The following SDK1 variants were observed in gnomAD, a reference collection of about 807,000 sequenced individuals.
SDK1 encodes protein sidekick-1.
Under a neutral mutation model 245.5 loss-of-function variants are expected in SDK1, and 157 were observed. The ratio of observed to expected loss-of-function variants is 0.64; its 90% confidence interval spans 0.56 to 0.73. SDK1 has a LOEUF of 0.73. SDK1 is among the 30% of genes least tolerant of loss of function. SDK1 has a pLI of 0.00. For synonymous variants in SDK1, 1,647 were observed against 1,278.5 expected (o/e 1.29, Z -6.15); for missense variants, 3,583 against 3,002.3 (o/e 1.19, Z -4.52).
intron 35 of SDK1, among the ~76,000 whole-genome samples, chr7:4,202,502 G>T (rs1334130592): frequency 2.6e-5 from 4 of 152,182 alleles, no homozygotes; most frequent in African/African-American, 9.7e-5. Context: ...TGAGTTGTTT[G>T]GTCACGTGGG....
chr7:4,170,501 G>C (rs994913281), intron 32 of SDK1, among the ~76,000 whole-genome samples: 3 of 152,088 alleles, frequency 2.0e-5, no homozygotes, highest in Non-Finnish European at 4.4e-5. Flanking sequence ...TGATGTGAGT[G>C]GATGTGCAAG....
intron 5 of SDK1, among the ~76,000 whole-genome samples, chr7:3,840,505 A>G (rs528356604): frequency 7.2e-5 from 11 of 152,312 alleles, no homozygotes; most frequent in African/African-American, 2.6e-4. Context: ...TAGTACTATC[A>G]GCATCATCCT....
intron 4 of SDK1, among the ~76,000 whole-genome samples, chr7:3,792,710 ATCCATCCATCCGTCTG>A (rs1469840687): frequency 1.3e-5 from 2 of 149,866 alleles, no homozygotes; most frequent in Non-Finnish European, 3.0e-5. Flanking sequence ...CCATCCATCC[ATCCATCCATCCGTCTG>A]TCCATCCATC....
intron 41 of SDK1, among the ~76,000 whole-genome samples, 167 bp from the exon 42 acceptor site, chr7:4,237,480 C>T (rs1399472127): frequency 6.6e-6 from 1 of 152,062 alleles, no homozygotes; most frequent in South Asian, 2.1e-4. Flanking sequence ...GCCTCCTGAG[C>T]TTGTCCCATG....
At chr7:3,372,558 G>A (rs1583760175) in intron 1 of SDK1, among the ~76,000 whole-genome samples, 1 of 152,308 alleles carries the variant, frequency 6.6e-6, no homozygotes, top group East Asian at 1.9e-4. Context: ...CAGGAGGGCA[G>A]AGCGGAAGAG....
chr7:4,197,589 C>T (rs1191142987), intron 35 of SDK1, among the ~76,000 whole-genome samples: 1 of 152,234 alleles, frequency 6.6e-6, no homozygotes, highest in African/African-American at 2.4e-5. Context: ...TCGTGTGAGG[C>T]TGTAAAACCC....
chr7:4,204,765 G>GCCCTGGAGCTCCCCAGGGCCCAGCTC (rs1784099645), intron 35 of SDK1, among the ~76,000 whole-genome samples: 2 of 152,224 alleles, frequency 1.3e-5, no homozygotes, highest in East Asian at 3.9e-4. Flanking sequence ...CTGCACAGCT[G>GCCCTGGAGCTCCCCAGGGCCCAGCTC]CCCTGGAGCT....
At chr7:3,702,874 A>T (rs1784779118) in intron 4 of SDK1, among the ~76,000 whole-genome samples, 1 of 152,116 alleles carries the variant, frequency 6.6e-6, no homozygotes, top group African/African-American at 2.4e-5. Context: ...ATGCAGATTG[A>T]AACCAAAATA....
At chr7:3,337,967 G>T (rs2128553279) in intron 1 of SDK1, 1 of 152,970 alleles carries the variant, frequency 6.5e-6, no homozygotes, top group South Asian at 2.1e-4. Flanking sequence ...AAATATAGGG[G>T]CACATGTAAT....
intron 25 of SDK1, among the ~76,000 whole-genome samples, chr7:4,125,829 A>G (rs925953299): frequency 6.6e-6 from 1 of 152,134 alleles, no homozygotes; most frequent in Admixed American, 6.5e-5. Context: ...AGGAGGGGAG[A>G]GTGAGAAGAC....
intron 9 of SDK1, among the ~76,000 whole-genome samples, chr7:3,965,329 A>T (rs973742871): frequency 6.6e-6 from 1 of 152,164 alleles, no homozygotes; most frequent in Non-Finnish European, 1.5e-5. Context: ...TTTCTCATCC[A>T]TTAAAATGGA....
At chr7:3,410,194 A>ATT (rs1779162615) in intron 1 of SDK1, among the ~76,000 whole-genome samples, 1 of 152,146 alleles carries the variant, frequency 6.6e-6, no homozygotes, top group African/African-American at 2.4e-5. Flanking sequence ...AATCTGAAAC[A>ATT]TTTTGAGCAC....
chr7:3,517,909 CTAAG>C (rs1164282011), intron 1 of SDK1, among the ~76,000 whole-genome samples: 3 of 152,078 alleles, frequency 2.0e-5, no homozygotes, highest in African/African-American at 7.2e-5. Flanking sequence ...TTCTCAGTGA[CTAAG>C]TCTTTTTTCT....
chr7:3,692,013 A>G (rs925771635), intron 4 of SDK1, among the ~76,000 whole-genome samples: 3 of 152,036 alleles, frequency 2.0e-5, no homozygotes, highest in African/African-American at 7.2e-5. Context: ...ATGAGTATTC[A>G]TTAAACTCCT....
chr7:3,716,761 C>CAA (rs1312191062), intron 4 of SDK1, among the ~76,000 whole-genome samples: 1 of 91,570 alleles, frequency 1.1e-5, no homozygotes. Context: ...CCTGTCTCAC[C>CAA]AAAAAAAAAG....
chr7:3,831,507 GA>G (rs1173758001), intron 5 of SDK1, among the ~76,000 whole-genome samples: 2 of 152,050 alleles, frequency 1.3e-5, no homozygotes, highest in African/African-American at 4.8e-5. Flanking sequence ...TCCTCTTTCA[GA>G]AAAATGAAAA....
At chr7:4,028,679 A>G (rs1172125983) in intron 17 of SDK1, among the ~76,000 whole-genome samples, 1 of 152,240 alleles carries the variant, frequency 6.6e-6, no homozygotes, top group Admixed American at 6.5e-5. Flanking sequence ...TCTGGAGGAC[A>G]GGCTGGGAAG....
At chr7:4,159,158 C>T (rs2128211627) in intron 31 of SDK1, among the ~76,000 whole-genome samples, 1 of 152,330 alleles carries the variant, frequency 6.6e-6, no homozygotes, top group South Asian at 2.1e-4. Flanking sequence ...ACTTAGTTCA[C>T]CCAGCAGCGT....
In SDK1 at chr7:4,049,468, G is replaced by A. The variant is rs369324367; in HGVS notation, c.2718+5G>A. On this transcript the variant is annotated splice_donor_5th_base_variant and intron_variant, in intron 18 of 44. Transcript: ENST00000404826. The stretch of plus-strand genomic sequence containing the variant: ...GGCATCAACCAGGGATACAAGGTAC[G>A]TGGCCTGGGTTCAGGGCCTGTGGGC... 81 of 1,606,852 alleles carry A rather than the reference G, an allele frequency of 5.0e-5. No individual in the cohort carries two copies. The highest frequency in any genetic ancestry group is 1.6e-4 in the Middle Eastern group (1 of 6,070).
Sources: allele counts gnomAD v4.1 joint callset (sites outside exome capture counted in the v4.1 genomes callset), GRCh38; gene constraint gnomAD v4.1.1; transcripts MANE v1.5; gene names NCBI Gene and HGNC (gene_info 2026-07-23, HGNC 2026-07-21).